MPPED2: variants seen among roughly 807,000 people sequenced by gnomAD.
MPPED2 encodes metallophosphoesterase domain containing 2.
MPPED2 carries 5 observed loss-of-function variants against 33.0 expected under a neutral mutation model. The observed-to-expected ratio is 0.15, with a 90% CI of 0.08 to 0.32. MPPED2 has a LOEUF of 0.32. Among genes scored for constraint, MPPED2 ranks in the 10% least tolerant of loss-of-function variants. MPPED2 has a pLI of 1.00. For missense variants in MPPED2, 275 were observed against 372.1 expected, an observed-to-expected ratio of 0.74 and a Z score of 2.15; for synonymous variants, 136 against 141.9, an observed-to-expected ratio of 0.96 and a Z score of 0.29.
chr11:30,572,576 A>G (rs1252118644), intron 2 of MPPED2, among the ~76,000 whole-genome samples: 1 of 152,220 alleles, frequency 6.6e-6, no homozygotes, highest in Non-Finnish European at 1.5e-5. Context: ...GACAGTGATG[A>G]ATCTGTAATG....
intron 3 of MPPED2, among the ~76,000 whole-genome samples, chr11:30,503,336 G>C (rs111899558): frequency 6.6e-6 from 1 of 151,972 alleles, no homozygotes; most frequent in Non-Finnish European, 1.5e-5. Flanking sequence ...AAATTACCCA[G>C]TCTCAGGTAT....
downstream of MPPED2, among the ~76,000 whole-genome samples, chr11:30,405,510 G>C (rs535822256): frequency 6.6e-6 from 1 of 152,290 alleles, no homozygotes; most frequent in African/African-American, 2.4e-5. Context: ...GATGCTGTCA[G>C]ATATGAAAGA....
At chr11:30,531,440 T>TC (rs1954522022) in intron 3 of MPPED2, among the ~76,000 whole-genome samples, 1 of 152,168 alleles carries the variant, frequency 6.6e-6, no homozygotes, top group African/African-American at 2.4e-5. Flanking sequence ...ATTCAAAGTT[T>TC]CATTCCCCAA....
chr11:30,573,688 AG>A (rs1811437537), intron 2 of MPPED2, among the ~76,000 whole-genome samples: 2 of 152,292 alleles, frequency 1.3e-5, no homozygotes, highest in Non-Finnish European at 2.9e-5. Context: ...TTATTTCAAT[AG>A]CTTTTGGGAT....
intron 6 of MPPED2, among the ~76,000 whole-genome samples, chr11:30,389,732 C>G (rs1565028697): frequency 2.6e-5 from 4 of 152,220 alleles, no homozygotes. Context: ...GTTGCCTTGA[C>G]TCTGGATCAA....
chr11:30,575,777 T>C (rs1261336005), intron 2 of MPPED2, among the ~76,000 whole-genome samples: 1 of 152,188 alleles, frequency 6.6e-6, no homozygotes, highest in Non-Finnish European at 1.5e-5. Flanking sequence ...ATCCCCGCCT[T>C]GGGACTGCCA....
chr11:30,401,799 C>G (rs1326386378), intron 6 of MPPED2, among the ~76,000 whole-genome samples: 1 of 151,878 alleles, frequency 6.6e-6, no homozygotes, highest in African/African-American at 2.4e-5. Context: ...ATTCTCCTGC[C>G]TCAGCCTCCT....
intron 2 of MPPED2, among the ~76,000 whole-genome samples, chr11:30,573,934 G>T (rs954587770): frequency 2.6e-5 from 4 of 152,108 alleles, no homozygotes; most frequent in African/African-American, 9.7e-5. Context: ...AAACATTTTT[G>T]TACAGCTGTA....
intron 4 of MPPED2, among the ~76,000 whole-genome samples, chr11:30,485,806 G>A (rs1951720819): frequency 6.6e-6 from 1 of 152,200 alleles, no homozygotes; most frequent in East Asian, 1.9e-4. Flanking sequence ...AGCCTCCCAT[G>A]GGCTTATAGA....
chr11:30,463,977 C>A (rs1218457140), intron 4 of MPPED2, among the ~76,000 whole-genome samples: 3 of 151,546 alleles, frequency 2.0e-5, no homozygotes, highest in African/African-American at 7.3e-5. Context: ...CACGCAATAC[C>A]TAAAAAACAA....
rs10643971 is a variant in MPPED2, at chr11:30,488,859, A to AACAC, written c.536+6433_536+6436dup. Among the ~76,000 whole-genome samples, 1,075 of 150,936 alleles carry AACAC rather than the reference A, an allele frequency of 7.1e-3. 11 individuals carry two copies. The highest frequency in any genetic ancestry group is 0.017 in the African/African-American group (718 of 41,182). ...GTAAGAGCAGAGTGCATATTTGTTT[A>AACAC]ACACACACACACACACACAAGACCT... On this transcript the variant is annotated intron_variant, in intron 4 of 6. Transcript: ENST00000358117.
intron 2 of MPPED2, among the ~76,000 whole-genome samples, chr11:30,550,564 A>G (rs141503025): frequency 8.5e-5 from 13 of 152,274 alleles, no homozygotes; most frequent in African/African-American, 1.9e-4. Context: ...ACTTGGCCTG[A>G]AGGGTATGGA....
At chr11:30,510,432 G>T (rs543874064) in intron 3 of MPPED2, among the ~76,000 whole-genome samples, 1 of 152,028 alleles carries the variant, frequency 6.6e-6, no homozygotes, top group South Asian at 2.1e-4. Flanking sequence ...AATAACTAAG[G>T]GGCTACATTT....
intron 2 of MPPED2, among the ~76,000 whole-genome samples, chr11:30,544,503 A>G (rs962478672): frequency 6.6e-6 from 1 of 152,190 alleles, no homozygotes; most frequent in Non-Finnish European, 1.5e-5. Flanking sequence ...TGGTTCCCTC[A>G]AGGATTCTGC....
chr11:30,515,271 T>C (rs1039661971), intron 3 of MPPED2, among the ~76,000 whole-genome samples: 6 of 152,084 alleles, frequency 3.9e-5, no homozygotes, highest in African/African-American at 1.2e-4. Flanking sequence ...ATGCAGAATA[T>C]ATCCCCAATC....
At chr11:30,531,425 T>C (rs776215825) in intron 3 of MPPED2, among the ~76,000 whole-genome samples, 29 of 152,148 alleles carry the variant, frequency 1.9e-4, no homozygotes, top group Non-Finnish European at 3.5e-4. Context: ...CTGTCTGATA[T>C]AGGGATTCAA....
intron 4 of MPPED2, among the ~76,000 whole-genome samples, chr11:30,453,839 T>C (rs528531): frequency 0.36 from 54,689 of 152,110 alleles, 14,394 homozygotes; most frequent in African/African-American, 0.74. Context: ...GACTAAGTCT[T>C]TCTGAGGCTG....
chr11:30,503,336 G>T (rs111899558), intron 3 of MPPED2, among the ~76,000 whole-genome samples: 7,047 of 152,070 alleles, frequency 0.046, 528 homozygotes, highest in African/African-American at 0.16. Flanking sequence ...AAATTACCCA[G>T]TCTCAGGTAT....
chr11:30,466,110 T>C (rs764096934), intron 4 of MPPED2, among the ~76,000 whole-genome samples: 1 of 152,254 alleles, frequency 6.6e-6, no homozygotes, highest in Non-Finnish European at 1.5e-5. Context: ...CACTCTTTGC[T>C]CTTAAGCCTG....
Sources: allele counts gnomAD v4.1 joint callset (sites outside exome capture counted in the v4.1 genomes callset), GRCh38; gene constraint gnomAD v4.1.1; transcripts MANE v1.5; gene names NCBI Gene and HGNC (gene_info 2026-07-23, HGNC 2026-07-21).